The following MAST4 variants were observed in gnomAD, a reference collection of about 807,000 sequenced individuals.
MAST4 encodes the protein microtubule-associated serine/threonine-protein kinase 4.
MAST4 carries 89 observed loss-of-function variants against 162.7 expected under a neutral mutation model. That is an observed-to-expected ratio of 0.55 (90% confidence interval 0.46 to 0.65). MAST4 has a LOEUF of 0.65. Ranked by LOEUF, MAST4 falls within the 30% of genes least tolerant of loss-of-function variation. The pLI is 0.00. For missense variants in MAST4, 3,153 were observed against 3,374.0 expected (o/e 0.93, Z 1.62); for synonymous variants, 1,479 against 1,361.1 (o/e 1.09, Z -1.91).
intron 1 of MAST4, among the ~76,000 whole-genome samples, chr5:66,620,848 G>A (rs1470296047): frequency 6.6e-6 from 1 of 151,952 alleles, no homozygotes; most frequent in Non-Finnish European, 1.5e-5. Context: ...GAGCTCAAAA[G>A]TGGAGGATTG....
rs116673173 is a variant in MAST4, at chr5:67,057,404, G to T, written c.763+2912G>T. On this transcript the variant is annotated intron_variant, in intron 5 of 28. Coordinates refer to ENST00000403625, the MANE Select transcript of MAST4 (RefSeq NM_001164664.2). ...TTACATGAGCCCCACCAGTCATCAC[G>T]GACACATCGTTTGTACCTATCAGAT... Among the ~76,000 whole-genome samples the T allele has an allele frequency of 1.8e-3, 280 of 151,988 alleles. 3 individuals are homozygous for T. Among genetic ancestry groups the T allele is most frequent in the African/African-American group, 6.4e-3 (264 of 41,454 alleles).
chr5:66,914,074 C>G (rs1364925885), intron 4 of MAST4, among the ~76,000 whole-genome samples: 1 of 151,686 alleles, frequency 6.6e-6, no homozygotes, highest in African/African-American at 2.4e-5. Context: ...CTTTGTTCAT[C>G]TTTTTTCAAA....
chr5:67,119,529 G>A (rs2150947069), intron 13 of MAST4, among the ~76,000 whole-genome samples: 1 of 152,240 alleles, frequency 6.6e-6, no homozygotes, highest in African/African-American at 2.4e-5. Context: ...CTACCAGCTG[G>A]GGGGTGGGGG....
chr5:67,063,400 T>C (rs1353961475), intron 5 of MAST4, among the ~76,000 whole-genome samples: 2 of 152,248 alleles, frequency 1.3e-5, no homozygotes, highest in Non-Finnish European at 2.9e-5. Context: ...CCTTCATTTA[T>C]CATTTTGGCC....
intron 1 of MAST4, among the ~76,000 whole-genome samples, chr5:66,681,771 G>A (rs776956124): frequency 6.6e-6 from 1 of 152,216 alleles, no homozygotes; most frequent in African/African-American, 2.4e-5. Flanking sequence ...TTACCCACCT[G>A]TATCTCTGCT....
rs1762188658 is a variant in MAST4, at chr5:67,078,917, T to TATAA, written c.764-11242_764-11241insAATA. 5.4e-5 allele frequency among the ~76,000 whole-genome samples: 3 copies of TATAA among 55,108 alleles called. 1 individual carries two copies. The highest frequency in any genetic ancestry group is 9.0e-5 in the Non-Finnish European group (3 of 33,230). 36.2% of individuals were successfully genotyped at this position (55,108 alleles called of 152,430 possible). On this transcript the variant is annotated intron_variant, in intron 5 of 28. Transcript: ENST00000403625. ...ATTTATATATTTTTATATAAATATA[T>TATAA]ATATATATATATATATATATATATA...
Position 66,605,756 on chromosome 5 carries a change from T to C in MAST4, c.363+8738T>C, listed in dbSNP as rs77366713. Among the ~76,000 whole-genome samples the C allele has an allele frequency of 2.5e-3, 384 of 152,222 alleles. 4 individuals are homozygous for C. The highest frequency in any genetic ancestry group is 8.7e-3 in the African/African-American group (363 of 41,542). On this transcript the variant is annotated intron_variant, in intron 1 of 28. Coordinates refer to ENST00000403625, the MANE Select transcript of MAST4 (RefSeq NM_001164664.2). Reference sequence around the variant, plus strand: ...ATTGTTGGGTTCTCGCCACGATGCATGCAGATTCCCTTTTCAGAGGACAAG... The same window carrying C: ...ATTGTTGGGTTCTCGCCACGATGCACGCAGATTCCCTTTTCAGAGGACAAG...
At chr5:66,936,783 C>T (rs1009211278) in intron 4 of MAST4, among the ~76,000 whole-genome samples, 4 of 152,124 alleles carry the variant, frequency 2.6e-5, no homozygotes, top group Non-Finnish European at 2.9e-5. Flanking sequence ...CAATACCTGA[C>T]GAATATTACC....
intron 13 of MAST4, among the ~76,000 whole-genome samples, chr5:67,119,372 T>G (rs890867321): frequency 3.9e-5 from 6 of 152,130 alleles, no homozygotes; most frequent in Non-Finnish European, 7.4e-5. Context: ...TGGATGCTGG[T>G]GCCATTCTCC....
chr5:66,826,433 C>T (rs560616023), intron 3 of MAST4, among the ~76,000 whole-genome samples: 5 of 152,220 alleles, frequency 3.3e-5, no homozygotes, highest in East Asian at 3.9e-4. Flanking sequence ...GATGCATGCA[C>T]GTCAGCTGAC....
At chr5:66,789,148 C>T (rs1324142790) in intron 3 of MAST4, among the ~76,000 whole-genome samples, 3 of 152,102 alleles carry the variant, frequency 2.0e-5, no homozygotes. Context: ...TGACTAACAC[C>T]TTGCCCAATT....
chr5:67,014,151 A>G (rs1191544322), intron 4 of MAST4, among the ~76,000 whole-genome samples: 3 of 151,910 alleles, frequency 2.0e-5, no homozygotes, highest in South Asian at 2.1e-4. Context: ...TCCCTATCCT[A>G]GTACCCTTCC....
At chr5:67,156,363 G>A (rs1772536851) in intron 26 of MAST4, among the ~76,000 whole-genome samples, 1 of 152,188 alleles carries the variant, frequency 6.6e-6, no homozygotes, top group African/African-American at 2.4e-5. Flanking sequence ...TGCTCTACAT[G>A]TGTGCTGTAC....
intron 3 of MAST4, among the ~76,000 whole-genome samples, chr5:66,872,586 C>T (rs957516525): frequency 6.6e-5 from 10 of 152,166 alleles, no homozygotes; most frequent in Admixed American, 3.9e-4. Flanking sequence ...CATCCCTTCC[C>T]GCCGAGCCGC....
chr5:66,680,693 T>C (rs1249037814), intron 1 of MAST4, among the ~76,000 whole-genome samples: 6 of 152,234 alleles, frequency 3.9e-5, no homozygotes, highest in Admixed American at 3.9e-4. Flanking sequence ...GTTCTGCTCA[T>C]GCTGAAGCAC....
chr5:67,130,122 AG>A, intron 14 of MAST4, 87 bp from the exon 15 acceptor site: 2 of 1,257,560 alleles, frequency 1.6e-6, no homozygotes, highest in Non-Finnish European at 2.2e-6. Context: ...ACTTTTAAAA[AG>A]TTGATGATTT....
chr5:66,754,469 T>C (rs1753402314), intron 1 of MAST4, among the ~76,000 whole-genome samples: 1 of 152,214 alleles, frequency 6.6e-6, no homozygotes, highest in Non-Finnish European at 1.5e-5. Context: ...TTCCAGTATG[T>C]CACCTTGAAT....
At chr5:66,829,248 G>A (rs574614009) in intron 3 of MAST4, among the ~76,000 whole-genome samples, 24 of 152,080 alleles carry the variant, frequency 1.6e-4, no homozygotes, top group African/African-American at 5.3e-4. Flanking sequence ...TTCTGGGAAC[G>A]CAGGACTCAG....
intron 1 of MAST4, among the ~76,000 whole-genome samples, chr5:66,712,347 G>C (rs1750548961): frequency 6.6e-6 from 1 of 152,196 alleles, no homozygotes; most frequent in Non-Finnish European, 1.5e-5. Flanking sequence ...ATAAAGAATA[G>C]AGCATAGTTT....
Sources: gnomAD v4.1 joint callset for allele counts (sites outside exome capture counted in the v4.1 genomes callset) on GRCh38, gnomAD v4.1.1 for gene constraint, MANE v1.5 for transcripts, NCBI Gene and HGNC (gene_info 2026-07-23, HGNC 2026-07-21) for gene names.